Variants in PRR16 observed in about 807,000 individuals in gnomAD.
PRR16 encodes the protein proline rich 16, also known as protein Largen.
Under a neutral mutation model 18.2 loss-of-function variants are expected in PRR16, and 6 were observed. The observed-to-expected ratio is 0.33, with a 90% CI of 0.18 to 0.65. The LOEUF is 0.65. PRR16 is among the 30% of genes least tolerant of loss of function. PRR16 has a pLI of 0.74. For missense variants in PRR16, 412 were observed against 376.6 expected (o/e 1.09, Z -0.78); for synonymous variants, 151 against 147.8 (o/e 1.02, Z -0.16).
the PRR16 span, among the ~76,000 whole-genome samples, chr5:120,748,446 T>A: frequency 6.6e-6 from 1 of 152,236 alleles, no homozygotes; most frequent in African/African-American, 2.4e-5. Flanking sequence ...TTTATATGTG[T>A]GTAGTATATT....
chr5:120,754,826 G>C, the PRR16 span, among the ~76,000 whole-genome samples: 1 of 150,454 alleles, frequency 6.6e-6, no homozygotes, highest in Non-Finnish European at 1.5e-5. Flanking sequence ...TAAGAGCAAG[G>C]TCAAAAGATA....
At chr5:120,700,334 T>C in the PRR16 span, among the ~76,000 whole-genome samples, 22 of 152,038 alleles carry the variant, frequency 1.4e-4, no homozygotes, top group Non-Finnish European at 2.8e-4. Context: ...GGATGGGATA[T>C]TGGCCTTGAG....
At chr5:120,609,443 G>A (rs1166545287) in intron 1 of PRR16, among the ~76,000 whole-genome samples, 1 of 152,014 alleles carries the variant, frequency 6.6e-6, no homozygotes, top group Non-Finnish European at 1.5e-5. Context: ...ATTCTTTATT[G>A]AGTTGTTTAC....
At chr5:120,627,252 T>C (rs1055239537) in intron 1 of PRR16, among the ~76,000 whole-genome samples, 5 of 152,148 alleles carry the variant, frequency 3.3e-5, no homozygotes, top group Admixed American at 2.6e-4. Flanking sequence ...CACTCCGTTT[T>C]CCTCAATGCT....
At chr5:120,727,073 T>G in the PRR16 span, among the ~76,000 whole-genome samples, 2 of 152,112 alleles carry the variant, frequency 1.3e-5, no homozygotes, top group African/African-American at 4.8e-5. Context: ...AATCACCAGT[T>G]GATCATCCAC....
chr5:120,647,330 A>G (rs1391836181), intron 1 of PRR16, among the ~76,000 whole-genome samples: 1 of 151,984 alleles, frequency 6.6e-6, no homozygotes, highest in Non-Finnish European at 1.5e-5. Flanking sequence ...TCTGCTTTGC[A>G]TTCAACAGAT....
the PRR16 span, among the ~76,000 whole-genome samples, chr5:120,733,628 C>G: frequency 1.3e-5 from 2 of 152,098 alleles, no homozygotes; most frequent in Non-Finnish European, 2.9e-5. Flanking sequence ...TAAACCTATG[C>G]CCCGCTCTCT....
At chr5:120,756,671 T>G in the PRR16 span, among the ~76,000 whole-genome samples, 1 of 152,082 alleles carries the variant, frequency 6.6e-6, no homozygotes. Flanking sequence ...AAGTTCCTTA[T>G]GAATAGAACT....
chr5:120,702,512 A>T, the PRR16 span, among the ~76,000 whole-genome samples: 1 of 152,104 alleles, frequency 6.6e-6, no homozygotes, highest in Admixed American at 6.6e-5. Flanking sequence ...GAAAAGCGGG[A>T]CTTGCTGTTA....
chr5:120,599,798 G>A (rs949308060), intron 1 of PRR16, among the ~76,000 whole-genome samples: 1 of 151,806 alleles, frequency 6.6e-6, no homozygotes, highest in African/African-American at 2.4e-5. Flanking sequence ...CTTTCCCCAT[G>A]TATTATTGCT....
rs141849011 is a variant in PRR16, at chr5:120,509,072, T to C, written c.159+44427T>C. On this transcript the variant is annotated intron_variant, in intron 1 of 1. Transcript: ENST00000407149. ...AAATAGGTTGTTTAGATTATATAGC[T>C]CTGTCTTATGTTTATGTTGCCTGTG... 4.6e-5 allele frequency among the ~76,000 whole-genome samples: 7 copies of C among 152,258 alleles called. No homozygotes were observed. In the East Asian group the frequency reaches 1.4e-3, roughly 29 times the overall value.
intron 1 of PRR16, among the ~76,000 whole-genome samples, chr5:120,503,178 A>T (rs994020930): frequency 3.3e-5 from 5 of 152,174 alleles, no homozygotes; most frequent in Non-Finnish European, 7.3e-5. Context: ...AATATCATTA[A>T]AAAATCTTAA....
chr5:120,649,625 G>A (rs1161833673), intron 1 of PRR16, among the ~76,000 whole-genome samples: 1 of 152,078 alleles, frequency 6.6e-6, no homozygotes, highest in African/African-American at 2.4e-5. Context: ...AAAAGCTGGG[G>A]AGTACATTTT....
chr5:120,646,709 T>C (rs1755614493), intron 1 of PRR16, among the ~76,000 whole-genome samples: 1 of 152,020 alleles, frequency 6.6e-6, no homozygotes, highest in South Asian at 2.1e-4. Flanking sequence ...GACTAGAGGC[T>C]GTATCAATAT....
chr5:120,511,981 G>T (rs1750841784), intron 1 of PRR16, among the ~76,000 whole-genome samples: 1 of 152,132 alleles, frequency 6.6e-6, no homozygotes, highest in Admixed American at 6.5e-5. Context: ...AAGCCTCTAA[G>T]CTCCACAGTT....
the PRR16 span, among the ~76,000 whole-genome samples, chr5:120,787,283 A>G: frequency 6.6e-6 from 1 of 152,174 alleles, no homozygotes; most frequent in African/African-American, 2.4e-5. Flanking sequence ...TTAAATAGGC[A>G]AAATTTTACA....
In PRR16 at chr5:120,480,133, G is replaced by A. The variant is rs755638752; in HGVS notation, c.159+15488G>A. 7.2e-5 allele frequency among the ~76,000 whole-genome samples: 11 copies of A among 152,250 alleles called. No homozygotes were observed. In the South Asian group the frequency reaches 1.2e-3, roughly 17 times the overall value. ...CATTTGTTAAAATACAGAATAATAT[G>A]GCACAGCAGTACGAGCCTGTAATCC... is the stretch of plus-strand genomic sequence containing the variant. On this transcript the variant is annotated intron_variant, in intron 1 of 1. Coordinates refer to ENST00000407149, the MANE Select transcript of PRR16 (RefSeq NM_001300783.2).
intron 1 of PRR16, among the ~76,000 whole-genome samples, chr5:120,585,247 T>C (rs1434545328): frequency 1.3e-5 from 2 of 152,174 alleles, no homozygotes; most frequent in Non-Finnish European, 2.9e-5. Context: ...GCACATACAA[T>C]TACACAATAA....
chr5:120,542,504 C>A (rs1050349119), intron 1 of PRR16, among the ~76,000 whole-genome samples: 12 of 152,114 alleles, frequency 7.9e-5, no homozygotes, highest in African/African-American at 2.9e-4. Context: ...ACTCCAAACT[C>A]TATTTGGAAT....
Sources: allele counts gnomAD v4.1 joint callset (sites outside exome capture counted in the v4.1 genomes callset), GRCh38; gene constraint gnomAD v4.1.1; transcripts MANE v1.5; gene names NCBI Gene and HGNC (gene_info 2026-07-23, HGNC 2026-07-21).